The following SCNN1A variants were observed in gnomAD, a reference collection of about 807,000 sequenced individuals.
The protein encoded by SCNN1A is epithelial sodium channel subunit alpha.
A neutral mutation model predicts 68.6 loss-of-function variants in SCNN1A; 65 were observed. The observed-to-expected ratio is 0.95, with a 90% CI of 0.78 to 1.16. The LOEUF is 1.16. Ranked by LOEUF, SCNN1A falls within the 50% of genes most tolerant of loss-of-function variation. The pLI is 0.00. For missense variants in SCNN1A, 880 were observed against 865.9 expected, an observed-to-expected ratio of 1.02 and a Z score of -0.20; for synonymous variants, 357 against 353.3, an observed-to-expected ratio of 1.01 and a Z score of -0.12.
intron 12 of SCNN1A, 29 bp downstream of exon 12, chr12:6,348,698 A>G: frequency 1.3e-6 from 2 of 1,591,734 alleles, no homozygotes; most frequent in Non-Finnish European, 1.7e-6. Flanking sequence ...CCCCCAGAGC[A>G]TCACAGGCTC....
intron 4 of SCNN1A, among the ~76,000 whole-genome samples, chr12:6,358,852 C>T (rs59818152): frequency 0.17 from 23,141 of 138,500 alleles, 4,182 homozygotes; most frequent in African/African-American, 0.48. Flanking sequence ...AGAGTGAGAA[C>T]CTGTCTCAAA....
rs72657552 is a variant in SCNN1A, at chr12:6,348,877, C to T, written c.1553+73G>A. 5,332 of 1,602,754 alleles carry T rather than the reference C, an allele frequency of 3.3e-3. 134 individuals carry two copies. In the African/African-American group the frequency reaches 0.057, roughly 17 times the overall value. ...TGGACCTTCCTCTAATCAACCATAT[C>T]GATCCCTCTTCTTAGGTCTATTTTC... On this transcript the variant is annotated intron_variant, in intron 11 of 12. Coordinates refer to ENST00000228916, the MANE Select transcript of SCNN1A (RefSeq NM_001038.6).
chr12:6,354,647 C>T (rs1487266040), intron 7 of SCNN1A, 92 bp from the exon 8 acceptor site: 11 of 1,410,278 alleles, frequency 7.8e-6, no homozygotes, highest in Non-Finnish European at 1.0e-5. Context: ...CACCACCCCC[C>T]AGTTTCCCTC....
Position 6,349,237 on chromosome 12 carries a change from G to A in SCNN1A, c.1440-16C>T, listed in dbSNP as rs377250434. On this transcript the variant is annotated splice_polypyrimidine_tract_variant and intron_variant, in intron 9 of 12. Transcript: ENST00000228916. ...GCTGGTCACGCTGGGGATGGAGAAA[G>A]GTGCTCAGTGTTGGGGCAGAGCTCT... 6.2e-7 allele frequency: 1 copy of A among 1,614,032 alleles called. No homozygotes were observed. Among genetic ancestry groups the A allele is most frequent in the Non-Finnish European group, 8.5e-7 (1 of 1,179,996 alleles).
rs1391370301 is a variant in SCNN1A at position 6,363,594 on chromosome 12, C to T, written c.533G>A (p.Arg178His). The part of the protein sequence containing the change: ...TTLVAGSRSR[R>H]DLRGTLPHPL... ...GTGCGGCAGAGTCCCCCGCAGGTCGCGACGGCTGCGGGAGCCGGCCACGAG... is the reference window on the plus strand; with the variant it reads ...GTGCGGCAGAGTCCCCCGCAGGTCGTGACGGCTGCGGGAGCCGGCCACGAG... Residue 178 changes from arginine to histidine, a missense_variant, in exon 3 of 13, where the codon CGC (arginine) becomes CAC (histidine). Coordinates refer to ENST00000228916, the MANE Select transcript of SCNN1A (RefSeq NM_001038.6). 6.2e-7 allele frequency: 1 copy of T among 1,612,148 alleles called. No homozygotes were observed. The highest frequency in any genetic ancestry group is 1.7e-5 in the Admixed American group (1 of 59,824).
chr12:6,371,377 G>T (rs1442558837), intron 2 of SCNN1A, among the ~76,000 whole-genome samples: 1 of 151,954 alleles, frequency 6.6e-6, no homozygotes, highest in Non-Finnish European at 1.5e-5. Context: ...TGCCCGCTGG[G>T]CTCCCACCAG....
chr12:6,358,563 T>C (rs2136874511), intron 4 of SCNN1A, among the ~76,000 whole-genome samples: 1 of 151,318 alleles, frequency 6.6e-6, no homozygotes, highest in South Asian at 2.1e-4. Context: ...TGAGAATGGA[T>C]AAGCAAAAAT....
chr12:6,370,405 G>A (rs1948768379), intron 2 of SCNN1A, among the ~76,000 whole-genome samples: 1 of 152,106 alleles, frequency 6.6e-6, no homozygotes, highest in African/African-American at 2.4e-5. Context: ...CCGTGTCCAG[G>A]ACGGAGCAGC....
chr12:6,374,311 C>A lies in SCNN1A; in HGVS notation c.416+57G>T. On this transcript the variant is annotated intron_variant, in intron 2 of 12. Transcript: ENST00000228916. The surrounding 1 kb of genome is among the most constrained non-coding windows in gnomAD (Gnocchi z 6.2). The stretch of plus-strand genomic sequence containing the variant: ...TGCCTGCCCAGTGAGCACCTCAGCA[C>A]CCTGGACCACCCTTCCAGGCGCAGG... 1 of 1,589,442 alleles carries A rather than the reference C, an allele frequency of 6.3e-7. No homozygotes were observed. The highest frequency in any genetic ancestry group is 8.6e-7 in the Non-Finnish European group (1 of 1,164,666).
chr12:6,351,897 C>T lies in SCNN1A; in HGVS notation c.1361-2492G>A, dbSNP rs28639508. Among the ~76,000 whole-genome samples the T allele has an allele frequency of 1.3e-4, 20 of 152,152 alleles. No individual in the cohort carries two copies. The South Asian group carries it at 2.1e-3, about 16-fold the overall frequency. On this transcript the variant is annotated intron_variant, in intron 8 of 12. Coordinates refer to ENST00000228916, the MANE Select transcript of SCNN1A (RefSeq NM_001038.6). The surrounding 1 kb of genome is among the most constrained non-coding windows in gnomAD (Gnocchi z 4.2). ...AGCTCAGCCTCCCAAGTGGCTGGGT[C>T]TGCAGGTGTGCACCACCATGCCCAG...
At position 6,374,931 on chromosome 12, in the gene SCNN1A, C is replaced by G. The variant is rs760198927; in HGVS notation, c.-54-94G>C. ...TGCCCTCTCCCATCACCCCTGGAAC[C>G]CGAGTGAGGCTGCCCCTGGCCATGC... On this transcript the variant is annotated intron_variant, in intron 1 of 12. Coordinates refer to ENST00000228916, the MANE Select transcript of SCNN1A (RefSeq NM_001038.6). The surrounding 1 kb of genome is among the most constrained non-coding windows in gnomAD (Gnocchi z 6.2). 1 of 1,595,732 alleles carries G rather than the reference C, an allele frequency of 6.3e-7. No homozygotes were observed. The highest frequency in any genetic ancestry group is 8.5e-7 in the Non-Finnish European group (1 of 1,170,730).
chr12:6,356,125 A>G, intron 4 of SCNN1A: 1 of 564,530 alleles, frequency 1.8e-6, no homozygotes, highest in Non-Finnish European at 3.2e-6. Context: ...GGAGGAAGCT[A>G]AGGCTCAGAG....
At chr12:6,353,230 T>C (rs1948420598) in intron 8 of SCNN1A, among the ~76,000 whole-genome samples, 1 of 147,458 alleles carries the variant, frequency 6.8e-6, no homozygotes, top group Non-Finnish European at 1.5e-5. Flanking sequence ...CCTTGTTCAG[T>C]TAAAAAAAAA....
chr12:6,373,062 G>A (rs891358941), intron 2 of SCNN1A, among the ~76,000 whole-genome samples: 2 of 152,208 alleles, frequency 1.3e-5, no homozygotes, highest in South Asian at 2.1e-4. Flanking sequence ...CTGTGCACAC[G>A]GCAGCTTCCT....
rs758691159 is a variant in SCNN1A at position 6,347,940 on chromosome 12, C to G, written c.1943G>C (p.Gly648Ala). Residue 648 changes from glycine (G) to alanine (A), a missense_variant, in exon 13 of 13, where the codon GGC (glycine) becomes GCC (alanine). Gly to Ala is a moderately conservative substitution (Grantham distance 60). This residue lies in a region of SCNN1A where 758 missense variants were observed against 721.8 expected (regional missense o/e 1.05). Coordinates refer to ENST00000228916, the MANE Select transcript of SCNN1A (RefSeq NM_001038.6). ...TAPPPAYATL[G>A]PRPSPGGSAG... is the part of the protein sequence containing the mutation. ...AGAGCCCCCTGGAGATGGGCGGGGG[C>G]CCAGGGTGGCATAGGCAGGGGGAGG... 1 of 1,580,058 alleles carries G rather than the reference C, an allele frequency of 6.3e-7. No individual in the cohort carries two copies. Among genetic ancestry groups the G allele is most frequent in the Non-Finnish European group, 8.6e-7 (1 of 1,161,494 alleles).
chr12:6,367,439 C>G (rs1948699325), intron 2 of SCNN1A, among the ~76,000 whole-genome samples: 1 of 152,140 alleles, frequency 6.6e-6, no homozygotes, highest in Non-Finnish European at 1.5e-5. Flanking sequence ...ATCAAAACCA[C>G]TCAGCAATAA....
rs191721569 is a variant in SCNN1A, at chr12:6,371,430, A to C, written c.416+2938T>G. Among the ~76,000 whole-genome samples the C allele has an allele frequency of 2.1e-3, 319 of 150,962 alleles. 1 individual carries two copies. The highest frequency in any genetic ancestry group is 0.017 in the Middle Eastern group (5 of 294). ...AGGTCTTTGCCTGATCCCTACTTAA[A>C]GTGTAATGGGTAAAAGAGCTTTGAA... On this transcript the variant is annotated intron_variant, in intron 2 of 12. Transcript: ENST00000228916.
Position 6,355,327 on chromosome 12 carries a change from T to A in SCNN1A, c.1088A>T (p.Asp363Val). The change falls in exon 6 of 13, where the codon GAT (aspartate) becomes GTT (valine). Residue 363 changes from aspartate (D) to valine (V), a missense_variant. Coordinates refer to ENST00000228916, the MANE Select transcript of SCNN1A (RefSeq NM_001038.6). ...VHGQDEPAFM[D>V]DGGFNLRPGV... ...AGGCCGCAAGTTAAAGCCACCATCATCCATAAAGGCAGGTTCATCCTGCCC... is the reference window on the plus strand; with the variant it reads ...AGGCCGCAAGTTAAAGCCACCATCAACCATAAAGGCAGGTTCATCCTGCCC... The A allele has an allele frequency of 6.2e-7, 1 of 1,613,802 alleles. No homozygotes were observed. Among genetic ancestry groups the A allele is most frequent in the African/African-American group, 1.3e-5 (1 of 75,006 alleles).
At chr12:6,355,587 G>T in intron 5 of SCNN1A, 152 bp from the exon 6 acceptor site, 2 of 1,043,934 alleles carry the variant, frequency 1.9e-6, no homozygotes, top group Non-Finnish European at 2.9e-6. Flanking sequence ...CAACCCCTGA[G>T]CTGGAATCTG....
Sources: gnomAD v4.1 joint callset for allele counts (sites outside exome capture counted in the v4.1 genomes callset) on GRCh38, gnomAD v4.1.1 for gene constraint, gnomAD v4.1.1 regional missense constraint, Gnocchi (gnomAD v3.1) non-coding constraint, MANE v1.5 for transcripts, NCBI Gene and HGNC (gene_info 2026-07-23, HGNC 2026-07-21) for gene names.